The following ADAM2 variants were observed in gnomAD, a reference collection of about 807,000 sequenced individuals.
The protein encoded by ADAM2 is disintegrin and metalloproteinase domain-containing protein 2.
Under a neutral mutation model 99.3 loss-of-function variants are expected in ADAM2, and 101 were observed. That is an observed-to-expected ratio of 1.02 (90% CI 0.87 to 1.20). The LOEUF (loss-of-function observed/expected upper bound fraction) is 1.20, where lower values mean the gene tolerates loss of function less well. Ranked by LOEUF, ADAM2 falls within the 50% of genes most tolerant of loss-of-function variation. The probability of loss-of-function intolerance (pLI) is 0.00; values close to 1 mark genes in which losing one functional copy is unlikely to be tolerated. For missense variants in ADAM2, 948 were observed against 878.7 expected (o/e 1.08, Z -1.00); for synonymous variants, 323 against 287.6 (o/e 1.12, Z -1.25).
chr8:39,801,705 C>A (rs1367510886), intron 7 of ADAM2, among the ~76,000 whole-genome samples: 2 of 151,648 alleles, frequency 1.3e-5, no homozygotes, highest in Non-Finnish European at 2.9e-5. Flanking sequence ...TGTCCCTGAG[C>A]CTCTGGCTGG....
At chr8:39,832,337 T>A (rs1222803602) in intron 3 of ADAM2, among the ~76,000 whole-genome samples, 1 of 152,110 alleles carries the variant, frequency 6.6e-6, no homozygotes, top group Non-Finnish European at 1.5e-5. Context: ...TGAAACTAAC[T>A]AGTTACCAAG....
chr8:39,755,116 A>C lies in ADAM2; in HGVS notation c.1797+612T>G, dbSNP rs1170490717. ...TGGCTATTTTAAAATGATTATATCA[A>C]AAGATAATTTATGACATTAGATGTA... On this transcript the variant is annotated intron_variant, in intron 16 of 20. Transcript: ENST00000265708. 5.3e-5 allele frequency among the ~76,000 whole-genome samples: 8 copies of C among 152,298 alleles called. No individual in the cohort carries two copies. The South Asian group carries it at 1.7e-3, about 32-fold the overall frequency.
chr8:39,816,916 G>A (rs1318190306), intron 6 of ADAM2, among the ~76,000 whole-genome samples: 2 of 152,144 alleles, frequency 1.3e-5, no homozygotes, highest in African/African-American at 2.4e-5. Flanking sequence ...TATACAAACA[G>A]CCTGTGGGCC....
chr8:39,826,663 C>T (rs1805413759), intron 3 of ADAM2, among the ~76,000 whole-genome samples: 1 of 150,562 alleles, frequency 6.6e-6, no homozygotes, highest in African/African-American at 2.4e-5. Context: ...GCAGAGCTTG[C>T]AGTGAGCCGA....
intron 15 of ADAM2, among the ~76,000 whole-genome samples, chr8:39,760,039 G>T (rs1314903854): frequency 6.6e-6 from 1 of 151,860 alleles, no homozygotes; most frequent in African/African-American, 2.4e-5. Context: ...GCTAATTTTT[G>T]AATTTTTAGT....
At chr8:39,786,216 G>A (rs1171146511) in intron 10 of ADAM2, among the ~76,000 whole-genome samples, 2 of 152,160 alleles carry the variant, frequency 1.3e-5, no homozygotes, top group African/African-American at 4.8e-5. Flanking sequence ...CTGGGTGACA[G>A]AATCAATCAT....
At position 39,769,391 on chromosome 8, in the gene ADAM2, C is replaced by T. The variant is rs368767492; in HGVS notation, c.1212+1G>A. 2.5e-6 allele frequency: 4 copies of T among 1,611,180 alleles called. No homozygotes were observed. The African/African-American group carries it at 4.0e-5, about 16-fold the overall frequency. The stretch of plus-strand genomic sequence containing the variant: ...GCGTAGTCTTCCGAATTAGTACCAA[C>T]CTGTTCAGTCCCACAGTCACACTCC... On this transcript the variant is annotated splice_donor_variant, in intron 12 of 20. Coordinates refer to ENST00000265708, the MANE Select transcript of ADAM2 (RefSeq NM_001464.5). LOFTEE classifies it high-confidence loss of function.
At chr8:39,785,090 T>C (rs1210432695) in intron 10 of ADAM2, among the ~76,000 whole-genome samples, 4 of 152,236 alleles carry the variant, frequency 2.6e-5, no homozygotes, top group Admixed American at 2.0e-4. Flanking sequence ...TTTGTTGCAA[T>C]TGTTTTTGAG....
chr8:39,778,513 T>G (rs1216970842), intron 10 of ADAM2, among the ~76,000 whole-genome samples: 2 of 152,118 alleles, frequency 1.3e-5, no homozygotes, highest in Non-Finnish European at 2.9e-5. Flanking sequence ...CTTCCCTCCA[T>G]CAACACTTGG....
intron 3 of ADAM2, among the ~76,000 whole-genome samples, chr8:39,827,688 C>T (rs972824968): frequency 3.3e-5 from 5 of 152,054 alleles, no homozygotes; most frequent in Admixed American, 3.3e-4. Flanking sequence ...AATTCAAACT[C>T]ATAGAAGCAG....
intron 6 of ADAM2, among the ~76,000 whole-genome samples, chr8:39,816,921 T>C (rs529485773): frequency 4.6e-5 from 7 of 152,338 alleles, no homozygotes; most frequent in Non-Finnish European, 1.0e-4. Context: ...AAACAGCCTG[T>C]GGGCCAGATT....
intron 7 of ADAM2, among the ~76,000 whole-genome samples, chr8:39,800,864 T>C (rs1441027831): frequency 7.2e-5 from 11 of 152,212 alleles, no homozygotes; most frequent in Admixed American, 7.2e-4. Context: ...GCTGTGTTTT[T>C]CAGCTCCATC....
rs1050423970 is a variant in ADAM2 at position 39,825,379 on chromosome 8, TTATTA to T, written c.189-487_189-483del. On this transcript the variant is annotated intron_variant, in intron 3 of 20. Coordinates refer to ENST00000265708, the MANE Select transcript of ADAM2 (RefSeq NM_001464.5). ...CTCACATTCTTTCTACTCTATTTAT[TTATTA>T]TATAATTATTCATCTCATTTGATGA... is the stretch of plus-strand genomic sequence containing the variant. 2.0e-5 allele frequency among the ~76,000 whole-genome samples: 3 copies of T among 152,152 alleles called. No individual in the cohort carries two copies. The East Asian group carries it at 5.8e-4, about 29-fold the overall frequency.
chr8:39,823,817 TC>T (rs1805293124), intron 4 of ADAM2, among the ~76,000 whole-genome samples: 1 of 152,142 alleles, frequency 6.6e-6, no homozygotes, highest in South Asian at 2.1e-4. Flanking sequence ...TTGTGTACTC[TC>T]TTGGGCAAAA....
intron 10 of ADAM2, among the ~76,000 whole-genome samples, chr8:39,783,123 G>A (rs555455048): frequency 1.3e-5 from 2 of 152,034 alleles, no homozygotes; most frequent in East Asian, 1.9e-4. Context: ...CAAATCTTTC[G>A]AGATTTTTAA....
intron 14 of ADAM2, among the ~76,000 whole-genome samples, chr8:39,765,611 C>G (rs1409673328): frequency 6.6e-6 from 1 of 152,060 alleles, no homozygotes; most frequent in Non-Finnish European, 1.5e-5. Flanking sequence ...CTTTTGCTCC[C>G]TCTTCTTTCT....
chr8:39,814,207 A>C (rs1026202977), intron 6 of ADAM2, among the ~76,000 whole-genome samples: 17 of 152,106 alleles, frequency 1.1e-4, no homozygotes, highest in African/African-American at 4.1e-4. Context: ...AAAATACAAA[A>C]AATTAGCTGG....
chr8:39,801,294 G>T (rs887496940), intron 7 of ADAM2, among the ~76,000 whole-genome samples: 1 of 152,128 alleles, frequency 6.6e-6, no homozygotes, highest in Admixed American at 6.5e-5. Flanking sequence ...GCTGCAGTTT[G>T]CTGGGGGTTC....
intron 16 of ADAM2, among the ~76,000 whole-genome samples, 172 bp from the exon 17 acceptor site, chr8:39,749,916 T>C (rs1217190458): frequency 1.3e-5 from 2 of 152,080 alleles, no homozygotes. Flanking sequence ...CTACTATGTT[T>C]CCAGCACTAG....
Sources: allele counts gnomAD v4.1 joint callset (sites outside exome capture counted in the v4.1 genomes callset), GRCh38; gene constraint gnomAD v4.1.1; transcripts MANE v1.5; gene names NCBI Gene and HGNC (gene_info 2026-07-23, HGNC 2026-07-21).